AGMO: variants seen among roughly 807,000 people sequenced by gnomAD.
The protein encoded by AGMO is alkylglycerol monooxygenase.
AGMO carries 75 observed loss-of-function variants against 60.2 expected under a neutral mutation model. That is an observed-to-expected ratio of 1.25 (90% CI 1.03 to 1.51). The LOEUF is 1.51. Among genes scored for constraint, AGMO ranks in the 40% most tolerant of loss-of-function variants. The pLI is 0.00. For synonymous variants in AGMO, 261 were observed against 177.1 expected, an observed-to-expected ratio of 1.47 and a Z score of -3.76; for missense variants, 763 against 525.5, an observed-to-expected ratio of 1.45 and a Z score of -4.42.
At chr7:15,305,037 A>G (rs1780571010) in intron 12 of AGMO, among the ~76,000 whole-genome samples, 1 of 151,922 alleles carries the variant, frequency 6.6e-6, no homozygotes, top group African/African-American at 2.4e-5. Flanking sequence ...ACTTAATATT[A>G]AGAATATATA....
intron 12 of AGMO, among the ~76,000 whole-genome samples, chr7:15,216,833 A>AGTGTGTGTGTGTGTGTGTG (rs1781754930): frequency 6.8e-6 from 1 of 147,024 alleles, no homozygotes; most frequent in African/African-American, 2.5e-5. Context: ...TGAAAGAAAA[A>AGTGTGTGTGTGTGTGTGTG]GTGTGTGTGT....
intron 12 of AGMO, among the ~76,000 whole-genome samples, chr7:15,325,971 TAAA>T (rs999150314): frequency 4.6e-5 from 7 of 151,828 alleles, no homozygotes; most frequent in African/African-American, 7.3e-5. Context: ...AACCAAAGAA[TAAA>T]AAAAGTTTAT....
intron 12 of AGMO, among the ~76,000 whole-genome samples, chr7:15,269,740 G>A (rs1411081289): frequency 1.3e-5 from 2 of 151,888 alleles, no homozygotes; most frequent in Non-Finnish European, 2.9e-5. Flanking sequence ...AATAGGTAAG[G>A]CTTCAACCAT....
intron 3 of AGMO, among the ~76,000 whole-genome samples, chr7:15,435,896 A>G (rs1016571067): frequency 6.6e-6 from 1 of 152,200 alleles, no homozygotes; most frequent in African/African-American, 2.4e-5. Flanking sequence ...CTTGTCATCT[A>G]TGAAATGGAG....
intron 10 of AGMO, among the ~76,000 whole-genome samples, chr7:15,379,268 C>A (rs1042363494): frequency 3.9e-5 from 6 of 151,976 alleles, no homozygotes; most frequent in African/African-American, 1.4e-4. Flanking sequence ...ACCAAAATCA[C>A]AGCTGAAGCA....
At chr7:15,189,805 T>TA in the AGMO span, among the ~76,000 whole-genome samples, 1,637 of 150,734 alleles carry the variant, frequency 0.011, 42 homozygotes, top group African/African-American at 0.039. Flanking sequence ...TTTAAGCTGA[T>TA]AGTTTACAGT....
chr7:15,270,830 AG>A lies in AGMO; in HGVS notation c.1264-69472del, dbSNP rs1318415407. Among the ~76,000 whole-genome samples, 5 of 151,424 alleles carry A rather than the reference AG, an allele frequency of 3.3e-5. No individual in the cohort carries two copies. The East Asian group carries it at 9.7e-4, about 29-fold the overall frequency. ...GTCTTTAATTTTTAAGTATTGAGTT[AG>A]TTTTTGTAAATGGTGAGAAACAGTG... On this transcript the variant is annotated intron_variant, in intron 12 of 12. Coordinates refer to ENST00000342526, the MANE Select transcript of AGMO (RefSeq NM_001004320.2).
the AGMO span, among the ~76,000 whole-genome samples, chr7:15,138,167 C>T: frequency 2.0e-4 from 30 of 152,306 alleles, no homozygotes; most frequent in African/African-American, 7.2e-4. Context: ...TTTAGTACAT[C>T]TATTATTGGT....
At chr7:15,337,502 C>A (rs181552826) in intron 12 of AGMO, among the ~76,000 whole-genome samples, 2 of 152,172 alleles carry the variant, frequency 1.3e-5, no homozygotes, top group East Asian at 3.9e-4. Context: ...TCTGCCTTGC[C>A]AGTGATCTTC....
intron 12 of AGMO, among the ~76,000 whole-genome samples, chr7:15,352,237 C>T (rs1007494127): frequency 6.6e-6 from 1 of 152,118 alleles, no homozygotes; most frequent in Non-Finnish European, 1.5e-5. Flanking sequence ...CCAAATTTAA[C>T]TTCACTTTCA....
intron 5 of AGMO, among the ~76,000 whole-genome samples, chr7:15,399,660 A>T (rs1475298536): frequency 2.0e-5 from 3 of 152,210 alleles, no homozygotes; most frequent in Non-Finnish European, 4.4e-5. Flanking sequence ...TGGAATGATC[A>T]CAAACTCCTC....
chr7:15,130,055 G>A, the AGMO span, among the ~76,000 whole-genome samples: 1 of 152,016 alleles, frequency 6.6e-6, no homozygotes, highest in Non-Finnish European at 1.5e-5. Context: ...TGCTACATGC[G>A]ATTCCTCCCC....
In AGMO at chr7:15,412,285, T is replaced by C. The variant is rs577259125; in HGVS notation, c.609+6273A>G. ...CAAAAGGACTAATTGGGGCAGTTATTTGAGTATAGAGTGTTGCTGAGAAGA... is the reference window on the plus strand; with the variant it reads ...CAAAAGGACTAATTGGGGCAGTTATCTGAGTATAGAGTGTTGCTGAGAAGA... On this transcript the variant is annotated intron_variant, in intron 5 of 12. Coordinates refer to ENST00000342526, the MANE Select transcript of AGMO (RefSeq NM_001004320.2). Among the ~76,000 whole-genome samples the C allele has an allele frequency of 7.9e-5, 12 of 152,170 alleles. No homozygotes were observed. In the South Asian group the frequency reaches 1.0e-3, roughly 13 times the overall value.
At position 15,561,785 on chromosome 7, in the gene AGMO, A is replaced by G; in HGVS notation, c.61T>C (p.Tyr21His). ...SVSQGFRMLF[Y>H]TMKPSETSFQ... Reference sequence around the variant, plus strand: ...GAAGTTTCACTGGGTTTCATCGTGTAAAACAACATGCGAAATCCCTGGGAA... The same window carrying G: ...GAAGTTTCACTGGGTTTCATCGTGTGAAACAACATGCGAAATCCCTGGGAA... The change falls in exon 1 of 13, where the codon TAC (tyrosine) becomes CAC (histidine). Residue 21 changes from tyrosine to histidine, a missense_variant. Tyr to His is a moderately conservative substitution (Grantham distance 83). Transcript: ENST00000342526. 1 of 1,610,654 alleles carries G rather than the reference A, an allele frequency of 6.2e-7. No homozygotes were observed. The highest frequency in any genetic ancestry group is 1.3e-5 in the African/African-American group (1 of 74,820).
chr7:15,209,395 T>A (rs576564233), intron 12 of AGMO, among the ~76,000 whole-genome samples: 1 of 107,134 alleles, frequency 9.3e-6, no homozygotes, highest in African/African-American at 3.5e-5. Context: ...AAAATGAGGT[T>A]TTTTTTTAGG....
At chr7:15,553,495 G>A (rs971216684) in intron 2 of AGMO, among the ~76,000 whole-genome samples, 1 of 151,914 alleles carries the variant, frequency 6.6e-6, no homozygotes, top group Non-Finnish European at 1.5e-5. Flanking sequence ...TTCATATGAA[G>A]AGCCTACTAA....
chr7:15,152,086 T>C, the AGMO span, among the ~76,000 whole-genome samples: 6 of 152,184 alleles, frequency 3.9e-5, no homozygotes, highest in Admixed American at 3.9e-4. Context: ...GGTGCATATA[T>C]AGTTAAGATA....
the AGMO span, among the ~76,000 whole-genome samples, chr7:15,139,278 A>T: frequency 2.0e-5 from 3 of 152,300 alleles, no homozygotes; most frequent in African/African-American, 7.2e-5. Context: ...CATTTGGTAT[A>T]TGTAGTTGTT....
intron 4 of AGMO, among the ~76,000 whole-genome samples, chr7:15,428,293 T>A (rs1230614865): frequency 6.6e-6 from 1 of 152,094 alleles, no homozygotes; most frequent in Non-Finnish European, 1.5e-5. Flanking sequence ...AAATGCTAGG[T>A]AAGAATCCAG....
Sources: gnomAD v4.1 joint callset for allele counts (sites outside exome capture counted in the v4.1 genomes callset) on GRCh38, gnomAD v4.1.1 for gene constraint, MANE v1.5 for transcripts, NCBI Gene and HGNC (gene_info 2026-07-23, HGNC 2026-07-21) for gene names.